Variants in ANK2 observed in about 807,000 individuals in gnomAD.
ANK2 encodes ankyrin-2.
Under a neutral mutation model 360.5 loss-of-function variants are expected in ANK2, and 83 were observed. The ratio of observed to expected loss-of-function variants is 0.23; its 90% CI spans 0.19 to 0.28. The LOEUF (loss-of-function observed/expected upper bound fraction) is 0.28, where lower values mean the gene tolerates loss of function less well. ANK2 is among the 10% of genes least tolerant of loss of function. The pLI is 1.00. For synonymous variants in ANK2, 1,740 were observed against 1,759.5 expected (o/e 0.99, Z 0.28); for missense variants, 4,201 against 4,795.7 (o/e 0.88, Z 3.66).
At chr4:112,723,077 G>T in the ANK2 span, among the ~76,000 whole-genome samples, 1 of 152,162 alleles carries the variant, frequency 6.6e-6, no homozygotes, top group Non-Finnish European at 1.5e-5. Context: ...TTTTGGTTGG[G>T]AGACATTAGA....
At chr4:112,940,773 T>A (rs1264293313) in intron 2 of ANK2, among the ~76,000 whole-genome samples, 1 of 152,096 alleles carries the variant, frequency 6.6e-6, no homozygotes, top group East Asian at 1.9e-4. Flanking sequence ...CATGAAAAAA[T>A]ATAATTTTTA....
At chr4:112,949,742 C>A (rs147260723) in intron 2 of ANK2, among the ~76,000 whole-genome samples, 2 of 152,266 alleles carry the variant, frequency 1.3e-5, no homozygotes, top group East Asian at 3.9e-4. Context: ...TGGAATAAGC[C>A]TTTCTAAATT....
the ANK2 span, among the ~76,000 whole-genome samples, chr4:112,790,841 T>C: frequency 6.6e-6 from 1 of 152,310 alleles, no homozygotes; most frequent in South Asian, 2.1e-4. Context: ...AAAGTAGCTT[T>C]TCTTCTGGGA....
At chr4:113,129,638 C>T (rs2095883393) in intron 1 of ANK2, among the ~76,000 whole-genome samples, 1 of 152,042 alleles carries the variant, frequency 6.6e-6, no homozygotes, top group Non-Finnish European at 1.5e-5. Flanking sequence ...AATGATATAA[C>T]CAAAATACCA....
chr4:112,910,829 G>T (rs571417623), intron 2 of ANK2, among the ~76,000 whole-genome samples: 1 of 152,170 alleles, frequency 6.6e-6, no homozygotes, highest in Admixed American at 6.5e-5. Context: ...TGTTGAAAGA[G>T]AATTCTATAT....
chr4:113,126,140 C>A (rs2095647025), intron 1 of ANK2, among the ~76,000 whole-genome samples: 1 of 152,160 alleles, frequency 6.6e-6, no homozygotes, highest in African/African-American at 2.4e-5. Context: ...TTTATTCTCA[C>A]TTTTCTTTTA....
intron 1 of ANK2, among the ~76,000 whole-genome samples, chr4:113,115,042 C>T (rs994635212): frequency 6.6e-6 from 1 of 152,198 alleles, no homozygotes; most frequent in African/African-American, 2.4e-5. Context: ...ACCCTGTGCT[C>T]TAGTCTTGCT....
chr4:113,259,949 C>T (rs898155962), intron 13 of ANK2, among the ~76,000 whole-genome samples: 7 of 152,038 alleles, frequency 4.6e-5, no homozygotes, highest in African/African-American at 1.7e-4. Flanking sequence ...TCTTGCCCGC[C>T]TTTTCCTTTT....
chr4:113,045,648 C>T (rs767018002), upstream of ANK2, among the ~76,000 whole-genome samples: 7 of 152,130 alleles, frequency 4.6e-5, no homozygotes, highest in Non-Finnish European at 1.0e-4. Context: ...ACGAGAACAA[C>T]AAAGATCTCT....
At chr4:113,239,727 A>C (rs1249858553) in intron 7 of ANK2, among the ~76,000 whole-genome samples, 1 of 152,170 alleles carries the variant, frequency 6.6e-6, no homozygotes. Flanking sequence ...GAGAGTAAAC[A>C]GTTCTGTAAT....
intron 38 of ANK2, 138 bp downstream of exon 38, chr4:113,359,437 C>A: frequency 1.8e-6 from 2 of 1,100,704 alleles, no homozygotes; most frequent in Non-Finnish European, 2.6e-6. Context: ...TTTGTGTAAG[C>A]CCTTTGTGTT....
chr4:113,371,864 A>G (rs965427441), intron 43 of ANK2, among the ~76,000 whole-genome samples: 2 of 152,224 alleles, frequency 1.3e-5, no homozygotes, highest in African/African-American at 4.8e-5. Context: ...ATTAGGGAAG[A>G]GTAATTCAAT....
intron 1 of ANK2, among the ~76,000 whole-genome samples, chr4:113,157,891 T>C (rs1401573837): frequency 6.6e-6 from 1 of 152,198 alleles, no homozygotes; most frequent in Non-Finnish European, 1.5e-5. Context: ...GTTTTCTCAT[T>C]TGGGAAGCTT....
chr4:113,221,300 A>G (rs2099148506), intron 4 of ANK2, among the ~76,000 whole-genome samples: 1 of 150,774 alleles, frequency 6.6e-6, no homozygotes, highest in South Asian at 2.1e-4. Flanking sequence ...TGTTTTCATT[A>G]TAACTTACTG....
chr4:112,974,848 A>G lies in ANK2; in HGVS notation c.21+70334A>G, dbSNP rs75553580. ...TGTCCTGGTAAAAGTATAGAAAAAG[A>G]AAAAAAAAAAAAGTGAACACAGGCG... On this transcript the variant is annotated intron_variant, in intron 2 of 30. Transcript: ENST00000503271. Among the ~76,000 whole-genome samples, 67 of 139,790 alleles carry G rather than the reference A, an allele frequency of 4.8e-4. No homozygotes were observed. In the East Asian group the frequency reaches 8.1e-3, roughly 17 times the overall value. The allele number at this position is 139,790 out of a possible 152,430, so 91.7% of individuals were successfully genotyped here.
chr4:113,198,486 C>A (rs191678384), intron 3 of ANK2, among the ~76,000 whole-genome samples: 116 of 152,012 alleles, frequency 7.6e-4, no homozygotes, highest in African/African-American at 2.7e-3. Flanking sequence ...GGTAGAAAAT[C>A]ATTGGTACTG....
chr4:113,296,340 TAATA>T (rs1330563951), intron 22 of ANK2, among the ~76,000 whole-genome samples: 1 of 152,156 alleles, frequency 6.6e-6, no homozygotes, highest in Non-Finnish European at 1.5e-5. Flanking sequence ...ATAGACAACT[TAATA>T]GTTAAGTAAA....
chr4:112,757,931 G>GTGCAATGGCGCCGTCCTGGCCCAC, the ANK2 span, among the ~76,000 whole-genome samples: 2 of 146,108 alleles, frequency 1.4e-5, no homozygotes, highest in Non-Finnish European at 3.1e-5. Flanking sequence ...TCAGGCTGGC[G>GTGCAATGGCGCCGTCCTGGCCCAC]TGCAATGGCG....
chr4:113,288,438 G>A lies in ANK2; in HGVS notation c.2229G>A (p.Met743Ile). The change falls in exon 20 of 46, where the codon ATG becomes ATA. Residue 743 changes from methionine (M) to isoleucine (I), a missense_variant. Around this residue, in one of 4 missense-constraint regions of ANK2, gnomAD observed 1,268 missense variants for 1,650.8 expected, o/e 0.77. Coordinates refer to ENST00000357077, the MANE Select transcript of ANK2 (RefSeq NM_001148.6). ...IVACHYGNVKMVNFLLKQGAN... is the reference protein window; with the variant it reads ...IVACHYGNVKIVNFLLKQGAN... ...CCTGTCACTATGGAAATGTGAAAAT[G>A]GTCAACTTTCTTCTGAAGCAGGGAG... 6.2e-7 allele frequency: 1 copy of A among 1,613,914 alleles called. No homozygotes were observed. Among genetic ancestry groups the A allele is most frequent in the Non-Finnish European group, 8.5e-7 (1 of 1,179,896 alleles).
Sources: gnomAD v4.1 joint callset for allele counts (sites outside exome capture counted in the v4.1 genomes callset) on GRCh38, gnomAD v4.1.1 for gene constraint, gnomAD v4.1.1 regional missense constraint, MANE v1.5 for transcripts, NCBI Gene and HGNC (gene_info 2026-07-23, HGNC 2026-07-21) for gene names.